Variants in PTGER3 observed in about 807,000 individuals in gnomAD.
The protein encoded by PTGER3 is prostaglandin E2 receptor EP3 subtype.
Under a neutral mutation model 34.7 loss-of-function variants are expected in PTGER3, and 22 were observed. The observed-to-expected ratio is 0.63, with a 90% confidence interval of 0.45 to 0.91. PTGER3 has a LOEUF of 0.91. Among genes scored for constraint, PTGER3 ranks in the 40% least tolerant of loss-of-function variants. The pLI is 0.00. For synonymous variants in PTGER3, 241 were observed against 230.1 expected, an observed-to-expected ratio of 1.05 and a Z score of -0.43; for missense variants, 468 against 519.4, an observed-to-expected ratio of 0.90 and a Z score of 0.96.
chr1:70,969,940 C>A (rs945782529), downstream of PTGER3, among the ~76,000 whole-genome samples: 1 of 152,154 alleles, frequency 6.6e-6, no homozygotes, highest in African/African-American at 2.4e-5. Flanking sequence ...CTATTATCTT[C>A]AATTTATAGA....
chr1:70,871,283 C>A (rs1326987417), intron 4 of PTGER3, among the ~76,000 whole-genome samples: 4 of 152,122 alleles, frequency 2.6e-5, no homozygotes. Context: ...AGGTGCCACA[C>A]TTCGCAGCAA....
chr1:71,014,991 T>C (rs1486128958), intron 1 of PTGER3, among the ~76,000 whole-genome samples: 1 of 152,208 alleles, frequency 6.6e-6, no homozygotes, highest in Non-Finnish European at 1.5e-5. Flanking sequence ...TTCTTTCCAG[T>C]TTTGTCTCCC....
chr1:70,946,243 A>T (rs1306033170), intron 4 of PTGER3, among the ~76,000 whole-genome samples: 1 of 152,084 alleles, frequency 6.6e-6, no homozygotes, highest in Non-Finnish European at 1.5e-5. Context: ...TATTTATCAT[A>T]CACTTGCCTA....
chr1:70,898,907 T>C (rs1646778215), intron 4 of PTGER3, among the ~76,000 whole-genome samples: 1 of 152,184 alleles, frequency 6.6e-6, no homozygotes, highest in Non-Finnish European at 1.5e-5. Flanking sequence ...ATCTCTGTTT[T>C]ATGTTCCTCT....
At chr1:70,862,068 C>T (rs1032334868) in intron 4 of PTGER3, among the ~76,000 whole-genome samples, 1 of 151,724 alleles carries the variant, frequency 6.6e-6, no homozygotes, top group African/African-American at 2.4e-5. Context: ...TGTGAAAGCC[C>T]CATTAATCTG....
intron 4 of PTGER3, among the ~76,000 whole-genome samples, chr1:70,929,944 A>C (rs1648528028): frequency 6.6e-6 from 1 of 152,204 alleles, no homozygotes; most frequent in African/African-American, 2.4e-5. Context: ...AAGATCTCTT[A>C]TCAGCTTAGA....
chr1:70,860,935 G>T (rs977961286), intron 4 of PTGER3, among the ~76,000 whole-genome samples: 1 of 152,152 alleles, frequency 6.6e-6, no homozygotes, highest in African/African-American at 2.4e-5. Flanking sequence ...GTCTGTTAGG[G>T]AACAGAGACA....
At chr1:71,015,672 C>T (rs929078973) in intron 1 of PTGER3, among the ~76,000 whole-genome samples, 1 of 151,952 alleles carries the variant, frequency 6.6e-6, no homozygotes, top group Non-Finnish European at 1.5e-5. Flanking sequence ...TCTGGTATTG[C>T]CAATTCTGCT....
At chr1:70,997,823 C>T (rs997070198) in intron 2 of PTGER3, among the ~76,000 whole-genome samples, 1 of 152,198 alleles carries the variant, frequency 6.6e-6, no homozygotes, top group Non-Finnish European at 1.5e-5. Flanking sequence ...TACACCAATT[C>T]CAATATTGTA....
At chr1:70,912,700 GTTTTT>G (rs1437059621) in intron 4 of PTGER3, among the ~76,000 whole-genome samples, 2 of 151,924 alleles carry the variant, frequency 1.3e-5, no homozygotes, top group Non-Finnish European at 2.9e-5. Context: ...TCATGTTTTT[GTTTTT>G]ATTTTCTAGC....
intron 2 of PTGER3, chr1:71,006,975 T>TA (rs1469097745): frequency 2.0e-6 from 2 of 985,596 alleles, no homozygotes; most frequent in African/African-American, 3.5e-5. Context: ...GTACTTTTCA[T>TA]ACGCTCTTTT....
intron 4 of PTGER3, among the ~76,000 whole-genome samples, chr1:70,867,984 G>A (rs1417294137): frequency 6.6e-6 from 1 of 152,132 alleles, no homozygotes; most frequent in Admixed American, 6.5e-5. Flanking sequence ...AGAGGCAGGA[G>A]TCTGTAGGCC....
chr1:70,921,946 C>A (rs1647572928), intron 4 of PTGER3, among the ~76,000 whole-genome samples: 1 of 152,052 alleles, frequency 6.6e-6, no homozygotes, highest in Non-Finnish European at 1.5e-5. Context: ...TGTGTAATGC[C>A]TTTTAGTTCA....
chr1:70,881,139 G>A (rs954919905), intron 4 of PTGER3, among the ~76,000 whole-genome samples: 1 of 152,036 alleles, frequency 6.6e-6, no homozygotes, highest in East Asian at 1.9e-4. Flanking sequence ...TTTGTCTGAC[G>A]GAGTTATTTC....
Position 70,986,140 on chromosome 1 carries a change from G to A in PTGER3, c.1078-11752C>T, listed in dbSNP as rs532523313. 3.9e-5 allele frequency among the ~76,000 whole-genome samples: 6 copies of A among 152,136 alleles called. No homozygotes were observed. In the South Asian group the frequency reaches 1.0e-3, roughly 26 times the overall value. On this transcript the variant is annotated intron_variant, in intron 2 of 3. Transcript: ENST00000306666. ...ACCATGACAGTTTACAAATGCCACG[G>A]CAACAACAGGAAGTTACCCTATATG...
At chr1:70,911,524 G>T (rs1647061237) in intron 4 of PTGER3, among the ~76,000 whole-genome samples, 1 of 152,030 alleles carries the variant, frequency 6.6e-6, no homozygotes, top group Non-Finnish European at 1.5e-5. Context: ...CTCTAAAAAT[G>T]GCAAGTATTA....
At chr1:71,033,770 G>A (rs1572987359) in intron 1 of PTGER3, among the ~76,000 whole-genome samples, 1 of 152,078 alleles carries the variant, frequency 6.6e-6, no homozygotes, top group Non-Finnish European at 1.5e-5. Context: ...ATTCCTTGAG[G>A]ACAAGGGTCA....
At chr1:71,013,029 A>G (rs1279755654) in intron 1 of PTGER3, among the ~76,000 whole-genome samples, 1 of 152,168 alleles carries the variant, frequency 6.6e-6, no homozygotes, top group Non-Finnish European at 1.5e-5. Context: ...AAACAGCATA[A>G]CACAGGTAGT....
rs5775038 is a variant in PTGER3, at chr1:70,976,116, TAA to T, written c.1078-1730_1078-1729del. 6.1e-4 allele frequency among the ~76,000 whole-genome samples: 90 copies of T among 148,452 alleles called. 1 individual carries two copies. Among genetic ancestry groups the T allele is most frequent in the Admixed American group, 1.1e-3 (17 of 14,882 alleles). On this transcript the variant is annotated intron_variant, in intron 2 of 3. Coordinates refer to ENST00000306666, the MANE Select transcript of PTGER3 (RefSeq NM_198719.2). The stretch of plus-strand genomic sequence containing the variant: ...TGTACAATGTCAAATAGCAGGAGAT[TAA>T]AAAAAAAAAACCTAAAGTAAGAGGC...
Sources: allele counts gnomAD v4.1 joint callset (sites outside exome capture counted in the v4.1 genomes callset), GRCh38; gene constraint gnomAD v4.1.1; transcripts MANE v1.5; gene names NCBI Gene and HGNC (gene_info 2026-07-23, HGNC 2026-07-21).